CNTNAP2: variants seen among roughly 807,000 people sequenced by gnomAD.
The protein encoded by CNTNAP2 is contactin associated protein 2, also known as contactin-associated protein-like 2.
In CNTNAP2, 98 loss-of-function variants were observed where a neutral mutation model predicts 155.2. The ratio of observed to expected loss-of-function variants is 0.63; its 90% CI spans 0.54 to 0.75. The LOEUF (loss-of-function observed/expected upper bound fraction) is 0.75. CNTNAP2 is among the 30% of genes least tolerant of loss of function. CNTNAP2 has a pLI of 0.00. For missense variants in CNTNAP2, 1,727 were observed against 1,688.1 expected (o/e 1.02, Z -0.40); for synonymous variants, 651 against 631.2 (o/e 1.03, Z -0.47).
At chr7:146,580,550 A>C (rs965719275) in intron 1 of CNTNAP2, among the ~76,000 whole-genome samples, 1 of 151,714 alleles carries the variant, frequency 6.6e-6, no homozygotes, top group Non-Finnish European at 1.5e-5. Context: ...TTAGAAACAA[A>C]CCACATTTTT....
chr7:147,783,866 T>C (rs143292738), intron 13 of CNTNAP2, among the ~76,000 whole-genome samples: 1,627 of 152,300 alleles, frequency 0.011, 16 homozygotes, highest in African/African-American at 0.038. Flanking sequence ...CAGCTGTAAC[T>C]TCAACTTCCC....
chr7:148,114,389 G>A (rs76283811), intron 15 of CNTNAP2, among the ~76,000 whole-genome samples: 4,019 of 152,296 alleles, frequency 0.026, 69 homozygotes, highest in Non-Finnish European at 0.037. Context: ...ATATAAATGA[G>A]AGGGGCAATG....
intron 14 of CNTNAP2, among the ~76,000 whole-genome samples, chr7:147,910,557 C>T (rs1800043953): frequency 6.6e-6 from 1 of 152,064 alleles, no homozygotes; most frequent in African/African-American, 2.4e-5. Context: ...GAAGAGACAC[C>T]CGAGACTGGG....
At chr7:146,565,615 T>G (rs915377377) in intron 1 of CNTNAP2, among the ~76,000 whole-genome samples, 5 of 152,228 alleles carry the variant, frequency 3.3e-5, no homozygotes, top group Non-Finnish European at 7.3e-5. Flanking sequence ...ACTGATTAGA[T>G]GCAGAAAACC....
intron 1 of CNTNAP2, among the ~76,000 whole-genome samples, chr7:146,171,766 C>G (rs1037685680): frequency 2.6e-5 from 4 of 151,848 alleles, no homozygotes; most frequent in African/African-American, 4.8e-5. Context: ...ATTTAATAAA[C>G]TTTTAAAAAT....
intron 3 of CNTNAP2, among the ~76,000 whole-genome samples, chr7:146,924,054 G>T (rs1023443587): frequency 3.0e-4 from 46 of 151,694 alleles, no homozygotes; most frequent in African/African-American, 9.5e-4. Flanking sequence ...CTTCTGCCGC[G>T]GTTCTTGGAA....
intron 3 of CNTNAP2, among the ~76,000 whole-genome samples, chr7:147,000,257 A>T (rs984153744): frequency 1.3e-5 from 2 of 152,000 alleles, no homozygotes; most frequent in Non-Finnish European, 2.9e-5. Context: ...TCCTCATCAT[A>T]GTCACAATGT....
At chr7:146,338,506 A>G (rs1801317906) in intron 1 of CNTNAP2, among the ~76,000 whole-genome samples, 1 of 152,092 alleles carries the variant, frequency 6.6e-6, no homozygotes, top group Admixed American at 6.5e-5. Context: ...ATTTTGGAAA[A>G]CAATAGAGGA....
intron 1 of CNTNAP2, among the ~76,000 whole-genome samples, chr7:146,613,899 G>A (rs1222953382): frequency 1.3e-5 from 2 of 152,152 alleles, no homozygotes; most frequent in South Asian, 2.1e-4. Flanking sequence ...CAAGAAACAA[G>A]TAGAAAGTGA....
intron 3 of CNTNAP2, among the ~76,000 whole-genome samples, chr7:146,988,946 T>C (rs999542335): frequency 5.3e-5 from 8 of 152,192 alleles, no homozygotes; most frequent in Non-Finnish European, 8.8e-5. Flanking sequence ...ATTTCTACTT[T>C]GTACTGCACA....
At chr7:147,791,491 A>G (rs1015338753) in intron 13 of CNTNAP2, among the ~76,000 whole-genome samples, 5 of 126,642 alleles carry the variant, frequency 3.9e-5, no homozygotes, top group African/African-American at 1.2e-4. Flanking sequence ...GTATCTTTGC[A>G]TAGGTCTCAT....
intron 1 of CNTNAP2, among the ~76,000 whole-genome samples, chr7:146,408,470 T>C (rs1795823204): frequency 1.3e-5 from 2 of 152,032 alleles, no homozygotes; most frequent in Admixed American, 6.6e-5. Flanking sequence ...TAGTCCTTTG[T>C]AGGGACATGG....
chr7:146,579,920 G>T (rs1355335496), intron 1 of CNTNAP2, among the ~76,000 whole-genome samples: 1 of 151,946 alleles, frequency 6.6e-6, no homozygotes, highest in African/African-American at 2.4e-5. Flanking sequence ...ACCTCTTTCT[G>T]ATCCTATTTC....
At chr7:147,958,571 A>G (rs1377702223) in intron 14 of CNTNAP2, among the ~76,000 whole-genome samples, 2 of 152,158 alleles carry the variant, frequency 1.3e-5, no homozygotes, top group Admixed American at 6.6e-5. Flanking sequence ...TTTCTTCTTC[A>G]TGGGAGTGGA....
In CNTNAP2 at chr7:146,757,778, C is replaced by G. The variant is rs10232357; in HGVS notation, c.98-16493C>G. 9.2e-3 allele frequency among the ~76,000 whole-genome samples: 1,397 copies of G among 152,136 alleles called. 13 individuals carry two copies. Among genetic ancestry groups the G allele is most frequent in the African/African-American group, 0.032 (1,340 of 41,492 alleles). ...CTTCATTATTATGGTCATGAATATA[C>G]ATATCTCATTTATTTTTCACTGCTA... On this transcript the variant is annotated intron_variant, in intron 1 of 23. Coordinates refer to ENST00000361727, the MANE Select transcript of CNTNAP2 (RefSeq NM_014141.6).
intron 6 of CNTNAP2, 49 bp from the exon 7 acceptor site, chr7:147,128,644 T>G (rs1801285764): frequency 6.2e-7 from 1 of 1,606,942 alleles, no homozygotes; most frequent in East Asian, 2.2e-5. Flanking sequence ...TTTGTCTAGT[T>G]CATCATAATA....
At chr7:146,305,559 G>A (rs901936854) in intron 1 of CNTNAP2, among the ~76,000 whole-genome samples, 2 of 152,054 alleles carry the variant, frequency 1.3e-5, no homozygotes, top group African/African-American at 2.4e-5. Flanking sequence ...TACCCTATTT[G>A]CCTGGGTATC....
chr7:147,731,618 C>T (rs1796740744), intron 13 of CNTNAP2, among the ~76,000 whole-genome samples: 1 of 152,134 alleles, frequency 6.6e-6, no homozygotes, highest in South Asian at 2.1e-4. Context: ...AACGTCTATT[C>T]TGAAGCCTGT....
intron 1 of CNTNAP2, among the ~76,000 whole-genome samples, chr7:146,670,466 T>G (rs1433920151): frequency 3.3e-5 from 2 of 61,092 alleles, no homozygotes; most frequent in East Asian, 7.0e-4. Context: ...ATGTGCGAAC[T>G]CTAGCAAAAA....
Sources: allele counts gnomAD v4.1 joint callset (sites outside exome capture counted in the v4.1 genomes callset), GRCh38; gene constraint gnomAD v4.1.1; transcripts MANE v1.5; gene names NCBI Gene and HGNC (gene_info 2026-07-23, HGNC 2026-07-21).